Variants in PRKG1 observed in about 807,000 individuals in gnomAD.
The protein encoded by PRKG1 is protein kinase cGMP-dependent 1.
PRKG1 carries 35 observed loss-of-function variants against 88.1 expected under a neutral mutation model. The ratio of observed to expected loss-of-function variants is 0.40; its 90% CI spans 0.30 to 0.53. The LOEUF is 0.53. Among genes scored for constraint, PRKG1 ranks in the 20% least tolerant of loss-of-function variants. PRKG1 has a pLI of 0.59. For synonymous variants in PRKG1, 303 were observed against 292.5 expected (o/e 1.04, Z -0.37); for missense variants, 540 against 839.8 (o/e 0.64, Z 4.41).
chr10:52,067,493 T>C (rs1300843072), intron 7 of PRKG1, among the ~76,000 whole-genome samples: 1 of 152,202 alleles, frequency 6.6e-6, no homozygotes. Context: ...CTCAACACCC[T>C]TTCTCCAGAA....
chr10:52,244,043 T>C (rs1341739039), intron 9 of PRKG1, among the ~76,000 whole-genome samples: 2 of 152,132 alleles, frequency 1.3e-5, no homozygotes, highest in East Asian at 3.9e-4. Flanking sequence ...ATTGATATAA[T>C]GAAATACTTC....
At chr10:51,302,475 A>G (rs1473543791) in intron 2 of PRKG1, 1 of 152,130 alleles carries the variant, frequency 6.6e-6, no homozygotes, top group Non-Finnish European at 1.5e-5. Context: ...AGCCTAGGAA[A>G]GTATGAAAAA....
At chr10:51,660,195 C>T (rs1411249980) in intron 3 of PRKG1, among the ~76,000 whole-genome samples, 2 of 148,732 alleles carry the variant, frequency 1.3e-5, no homozygotes, top group Admixed American at 1.3e-4. Flanking sequence ...ACAAATGACA[C>T]AGGAAGGCTG....
intron 4 of PRKG1, among the ~76,000 whole-genome samples, chr10:51,851,598 T>TCCAAATGGAATGG (rs1840557256): frequency 6.6e-6 from 1 of 152,192 alleles, no homozygotes; most frequent in Non-Finnish European, 1.5e-5. Context: ...TTAAATGTAT[T>TCCAAATGGAATGG]ACCTATTCCA....
intron 2 of PRKG1, among the ~76,000 whole-genome samples, chr10:51,231,502 T>C (rs1282375646): frequency 1.3e-5 from 2 of 152,190 alleles, no homozygotes; most frequent in Admixed American, 6.6e-5. Flanking sequence ...ACAAAGTGAA[T>C]GGTCATTCCT....
At chr10:51,534,477 G>A (rs189749837) in intron 3 of PRKG1, among the ~76,000 whole-genome samples, 11 of 152,040 alleles carry the variant, frequency 7.2e-5, no homozygotes, top group African/African-American at 2.7e-4. Context: ...GACCATCCTG[G>A]CTAACATGGT....
intron 2 of PRKG1, among the ~76,000 whole-genome samples, chr10:51,307,911 C>T (rs1333762137): frequency 1.3e-5 from 2 of 152,112 alleles, no homozygotes; most frequent in Non-Finnish European, 2.9e-5. Flanking sequence ...CATTTTGTTT[C>T]ACCAAGTTTT....
chr10:51,190,187 C>T (rs1286452355), intron 2 of PRKG1, among the ~76,000 whole-genome samples: 1 of 151,846 alleles, frequency 6.6e-6, no homozygotes, highest in East Asian at 1.9e-4. Context: ...AGTAACTGTA[C>T]AACTAATTAC....
At chr10:51,185,566 T>C (rs1486492072) in intron 2 of PRKG1, among the ~76,000 whole-genome samples, 1 of 152,036 alleles carries the variant, frequency 6.6e-6, no homozygotes, top group Non-Finnish European at 1.5e-5. Flanking sequence ...ATGTAGAAAG[T>C]CACTATTTTG....
chr10:52,098,896 G>A (rs1192326829), intron 7 of PRKG1, among the ~76,000 whole-genome samples: 1 of 152,096 alleles, frequency 6.6e-6, no homozygotes, highest in African/African-American at 2.4e-5. Context: ...ATAATTAGTT[G>A]GTTCCATGAA....
At chr10:52,109,295 A>G (rs1463748752) in intron 7 of PRKG1, among the ~76,000 whole-genome samples, 6 of 152,180 alleles carry the variant, frequency 3.9e-5, no homozygotes, top group Admixed American at 6.5e-5. Context: ...TCTTCCCCCT[A>G]CTTAACCCGC....
intron 7 of PRKG1, among the ~76,000 whole-genome samples, chr10:52,070,149 ATTAT>A (rs897540077): frequency 2.0e-4 from 30 of 152,272 alleles, no homozygotes; most frequent in Admixed American, 2.0e-4. Context: ...CCAAAACCTA[ATTAT>A]TTAACATTTA....
At chr10:52,290,162 A>C in intron 16 of PRKG1, 62 bp from the exon 17 acceptor site, 1 of 1,417,708 alleles carries the variant, frequency 7.1e-7, no homozygotes, top group Non-Finnish European at 9.9e-7. Flanking sequence ...CATTGTATAC[A>C]CTGCAATGAG....
intron 7 of PRKG1, among the ~76,000 whole-genome samples, chr10:52,077,826 T>A (rs1000367688): frequency 6.6e-6 from 1 of 152,064 alleles, no homozygotes; most frequent in Admixed American, 6.6e-5. Flanking sequence ...TGCCCATGAG[T>A]GCAATAAACT....
At chr10:51,718,497 A>T (rs560968881) in intron 3 of PRKG1, among the ~76,000 whole-genome samples, 2 of 152,246 alleles carry the variant, frequency 1.3e-5, no homozygotes, top group South Asian at 4.1e-4. Context: ...TTCTTCTTAG[A>T]TTTTCTTCTA....
rs538265017 is a variant in PRKG1, at chr10:51,796,399, C to A, written c.593-8186C>A. Among the ~76,000 whole-genome samples, 4 of 151,982 alleles carry A rather than the reference C, an allele frequency of 2.6e-5. No homozygotes were observed. In the South Asian group the frequency reaches 8.3e-4, roughly 32 times the overall value. On this transcript the variant is annotated intron_variant, in intron 3 of 17. Coordinates refer to ENST00000373980, the MANE Select transcript of PRKG1 (RefSeq NM_006258.4). ...ACATGTAATAAATGTAAAATTATTC[C>A]TAAGTTATTTTACATACTTTTTTCA... is the stretch of plus-strand genomic sequence containing the variant.
intron 1 of PRKG1, among the ~76,000 whole-genome samples, chr10:51,141,271 CT>C (rs769435915): frequency 6.6e-6 from 1 of 152,188 alleles, no homozygotes; most frequent in East Asian, 1.9e-4. Context: ...TTTGCATTTA[CT>C]TTTTGTACTC....
chr10:51,891,572 A>T (rs1334218649), intron 4 of PRKG1, among the ~76,000 whole-genome samples: 1 of 152,202 alleles, frequency 6.6e-6, no homozygotes, highest in Non-Finnish European at 1.5e-5. Context: ...AGTATCTATC[A>T]TTTACTAGGC....
rs184104467 is a variant in PRKG1 at position 51,399,656 on chromosome 10, A to T, written c.479-68067A>T. Among the ~76,000 whole-genome samples the T allele has an allele frequency of 1.6e-3, 238 of 152,320 alleles. 1 individual carries two copies. The highest frequency in any genetic ancestry group is 5.6e-3 in the African/African-American group (234 of 41,558). ...TCACTGTTTTTCTTAGTAGGTAGGCATGACCCCTGTGACCTAGATTTGAAC... is the reference window on the plus strand; with the variant it reads ...TCACTGTTTTTCTTAGTAGGTAGGCTTGACCCCTGTGACCTAGATTTGAAC... On this transcript the variant is annotated intron_variant, in intron 2 of 17. Coordinates refer to ENST00000373980, the MANE Select transcript of PRKG1 (RefSeq NM_006258.4).
Sources: allele counts gnomAD v4.1 joint callset (sites outside exome capture counted in the v4.1 genomes callset), GRCh38; gene constraint gnomAD v4.1.1; transcripts MANE v1.5; gene names NCBI Gene and HGNC (gene_info 2026-07-23, HGNC 2026-07-21).